ROBO1: variants seen among roughly 807,000 people sequenced by gnomAD.
ROBO1 encodes the protein roundabout guidance receptor 1.
ROBO1 carries 149 observed loss-of-function variants against 195.9 expected under a neutral mutation model. That is an observed-to-expected ratio of 0.76 (90% CI 0.67 to 0.87). The LOEUF is 0.87. Ranked by LOEUF, ROBO1 falls within the 40% of genes least tolerant of loss-of-function variation. The pLI is 0.00. For synonymous variants in ROBO1, 816 were observed against 733.2 expected, an observed-to-expected ratio of 1.11 and a Z score of -1.82; for missense variants, 1,933 against 2,068.3, an observed-to-expected ratio of 0.93 and a Z score of 1.27.
chr3:78,731,870 G>A (rs2082293986), intron 5 of ROBO1, among the ~76,000 whole-genome samples: 1 of 152,078 alleles, frequency 6.6e-6, no homozygotes, highest in South Asian at 2.1e-4. Flanking sequence ...CACGAAAAAT[G>A]CATCAGTGAA....
At chr3:79,506,651 G>T (rs887065838) in intron 2 of ROBO1, among the ~76,000 whole-genome samples, 4 of 152,110 alleles carry the variant, frequency 2.6e-5, no homozygotes, top group African/African-American at 9.7e-5. Flanking sequence ...CACCATGTTG[G>T]CCAGGATGGT....
intron 2 of ROBO1, 64 bp from the exon 3 acceptor site, chr3:79,125,603 T>G: frequency 8.4e-7 from 1 of 1,188,318 alleles, no homozygotes; most frequent in Non-Finnish European, 1.2e-6. Flanking sequence ...GCCATTTCGA[T>G]CACAGCATGT....
At chr3:79,139,577 C>A (rs140472745) in intron 2 of ROBO1, among the ~76,000 whole-genome samples, 7 of 152,188 alleles carry the variant, frequency 4.6e-5, no homozygotes, top group African/African-American at 1.4e-4. Flanking sequence ...AGCCAATTGT[C>A]CGGTTGAGGT....
chr3:79,309,571 A>C (rs1278743261), intron 2 of ROBO1, among the ~76,000 whole-genome samples: 1 of 152,162 alleles, frequency 6.6e-6, no homozygotes, highest in Non-Finnish European at 1.5e-5. Context: ...GCACCACTGC[A>C]CTCCAACCTG....
chr3:78,991,589 T>A (rs763616688), intron 3 of ROBO1, among the ~76,000 whole-genome samples: 3 of 152,086 alleles, frequency 2.0e-5, no homozygotes, highest in Non-Finnish European at 4.4e-5. Context: ...TGCTCACTAT[T>A]TGATTTGAGT....
chr3:79,709,409 C>A (rs1248771873), intron 1 of ROBO1, among the ~76,000 whole-genome samples: 2 of 151,876 alleles, frequency 1.3e-5, no homozygotes, highest in South Asian at 2.1e-4. Context: ...ATTTTAGCAA[C>A]TATGTGTACA....
chr3:79,112,466 C>T (rs1014520538), intron 3 of ROBO1, among the ~76,000 whole-genome samples: 12 of 152,202 alleles, frequency 7.9e-5, no homozygotes, highest in Middle Eastern at 3.4e-3. Flanking sequence ...TCGTAGCTAA[C>T]GATCAGAGAC....
intron 4 of ROBO1, among the ~76,000 whole-genome samples, chr3:78,881,210 T>C (rs2036158447): frequency 6.6e-6 from 1 of 152,150 alleles, no homozygotes; most frequent in African/African-American, 2.4e-5. Context: ...ATGAGAGGAT[T>C]CTGAGCTGTA....
intron 2 of ROBO1, among the ~76,000 whole-genome samples, chr3:79,503,201 A>C (rs1442003088): frequency 3.3e-5 from 5 of 152,232 alleles, no homozygotes; most frequent in Middle Eastern, 3.4e-3. Flanking sequence ...CTACGAACCC[A>C]CCAGGAGGAA....
intron 3 of ROBO1, among the ~76,000 whole-genome samples, chr3:78,985,299 C>CA (rs1345713879): frequency 6.6e-6 from 1 of 151,854 alleles, no homozygotes; most frequent in Admixed American, 6.6e-5. Flanking sequence ...GACTCTGTCT[C>CA]AAAAAATAAT....
In ROBO1 at chr3:79,011,523, A is replaced by G. The variant is rs2077775807; in HGVS notation, c.173-72596T>C. ...TTCTTTGGCTTCATGTTCTTTTCCTACTCTACCTGAAATTGCTAATAACAT... is the reference window on the plus strand; with the variant it reads ...TTCTTTGGCTTCATGTTCTTTTCCTGCTCTACCTGAAATTGCTAATAACAT... On this transcript the variant is annotated intron_variant, in intron 3 of 30. Coordinates refer to ENST00000464233, the MANE Select transcript of ROBO1 (RefSeq NM_002941.4). 2.0e-5 allele frequency among the ~76,000 whole-genome samples: 3 copies of G among 152,044 alleles called. 1 individual carries two copies. In the South Asian group the frequency reaches 6.2e-4, roughly 32 times the overall value.
intron 4 of ROBO1, among the ~76,000 whole-genome samples, chr3:78,880,300 T>C (rs924587021): frequency 6.6e-6 from 1 of 152,130 alleles, no homozygotes; most frequent in Non-Finnish European, 1.5e-5. Context: ...ATGTTAACAA[T>C]TAAATATGTC....
chr3:79,290,215 G>A lies in ROBO1; in HGVS notation c.89-164676C>T, dbSNP rs147581135. Among the ~76,000 whole-genome samples, 560 of 152,010 alleles carry A rather than the reference G, an allele frequency of 3.7e-3. 5 individuals are homozygous for A. Among genetic ancestry groups the A allele is most frequent in the African/African-American group, 0.013 (520 of 41,454 alleles). On this transcript the variant is annotated intron_variant, in intron 2 of 30. Transcript: ENST00000464233. The stretch of plus-strand genomic sequence containing the variant: ...TGCCCAGCTAATTTTTATCTTTTTA[G>A]TAGAGACAGGGTTTCACTGTGTTGG...
chr3:78,714,323 A>C, intron 8 of ROBO1, 74 bp downstream of exon 8: 1 of 1,460,654 alleles, frequency 6.8e-7, no homozygotes, highest in Non-Finnish European at 9.3e-7. Flanking sequence ...CCCTATACAT[A>C]ATATTTTCTT....
At chr3:79,387,404 C>A (rs1302786945) in intron 2 of ROBO1, among the ~76,000 whole-genome samples, 1 of 150,900 alleles carries the variant, frequency 6.6e-6, no homozygotes, top group Non-Finnish European at 1.5e-5. Flanking sequence ...AAGAAGACTT[C>A]ACTTGCATGC....
At chr3:78,768,949 G>C (rs1307268230) in intron 4 of ROBO1, among the ~76,000 whole-genome samples, 1 of 151,882 alleles carries the variant, frequency 6.6e-6, no homozygotes, top group Non-Finnish European at 1.5e-5. Flanking sequence ...TGAGAATGAT[G>C]ATTTCCAATT....
intron 4 of ROBO1, among the ~76,000 whole-genome samples, chr3:78,902,171 A>AT (rs1222988486): frequency 6.6e-6 from 1 of 152,184 alleles, no homozygotes; most frequent in Non-Finnish European, 1.5e-5. Context: ...TATGAAATAA[A>AT]TATCTAGAAT....
chr3:79,257,566 C>T (rs925248571), intron 2 of ROBO1, among the ~76,000 whole-genome samples: 2 of 152,116 alleles, frequency 1.3e-5, no homozygotes, highest in Non-Finnish European at 2.9e-5. Context: ...TGATACGTTT[C>T]ATTTATTGAA....
At chr3:79,767,277 G>C (rs1705049199) in intron 1 of ROBO1, among the ~76,000 whole-genome samples, 1 of 152,084 alleles carries the variant, frequency 6.6e-6, no homozygotes, top group Non-Finnish European at 1.5e-5. Context: ...ACTGAGATTA[G>C]GCTGCAAAGT....
Sources: gnomAD v4.1 joint callset for allele counts (sites outside exome capture counted in the v4.1 genomes callset) on GRCh38, gnomAD v4.1.1 for gene constraint, MANE v1.5 for transcripts, NCBI Gene and HGNC (gene_info 2026-07-23, HGNC 2026-07-21) for gene names.